The following NDST1 variants were observed in gnomAD, a reference collection of about 807,000 sequenced individuals.
NDST1 encodes the protein bifunctional heparan sulfate N-deacetylase/N-sulfotransferase 1.
In NDST1, 35 loss-of-function variants were observed where a neutral mutation model predicts 92.8. The ratio of observed to expected loss-of-function variants is 0.38; its 90% CI spans 0.29 to 0.50. The LOEUF is 0.50. Ranked by LOEUF, NDST1 falls within the 20% of genes least tolerant of loss-of-function variation. The pLI is 0.94. For synonymous variants in NDST1, 493 were observed against 500.3 expected (o/e 0.99, Z 0.19); for missense variants, 822 against 1,182.7 (o/e 0.69, Z 4.47).
chr5:150,533,286 T>A (rs754718071), intron 4 of NDST1, among the ~76,000 whole-genome samples: 10 of 152,244 alleles, frequency 6.6e-5, no homozygotes, highest in Non-Finnish European at 1.2e-4. Flanking sequence ...TGAGCTGGCC[T>A]GGGTGGGGCA....
intron 3 of NDST1, among the ~76,000 whole-genome samples, chr5:150,528,768 C>G (rs1324417878): frequency 6.6e-6 from 1 of 152,032 alleles, no homozygotes; most frequent in African/African-American, 2.4e-5. Flanking sequence ...GCACTCCAGC[C>G]TGGGTGACAG....
rs749696693 is a variant in NDST1, at chr5:150,539,448, G to T, written c.1566+92G>T. On this transcript the variant is annotated intron_variant, in intron 7 of 14. Transcript: ENST00000261797. ...ACAGGCTTCCTGGAGCCAGGAAAGG[G>T]TGGAGAGGCATGAGTGAGTGCCTGG... The T allele has an allele frequency of 2.5e-6, 4 of 1,605,638 alleles. No individual in the cohort carries two copies. The South Asian group carries it at 4.4e-5, about 18-fold the overall frequency.
intron 6 of NDST1, among the ~76,000 whole-genome samples, chr5:150,536,919 G>T (rs1256711547): frequency 6.6e-6 from 1 of 152,240 alleles, no homozygotes; most frequent in Non-Finnish European, 1.5e-5. Flanking sequence ...CAGAACGGAG[G>T]AAAGTTCCTG....
At chr5:150,518,582 C>CT (rs1009841792) in intron 1 of NDST1, among the ~76,000 whole-genome samples, 5 of 152,126 alleles carry the variant, frequency 3.3e-5, no homozygotes, top group Non-Finnish European at 7.4e-5. Context: ...GTTAATGTTT[C>CT]TTTTTTTGCA....
rs571469977 is a variant in NDST1 at position 150,553,836 on chromosome 5, G to A, written c.*504G>A. The A allele has an allele frequency of 2.8e-4, 126 of 444,046 alleles. No homozygotes were observed. In the East Asian group the frequency reaches 4.3e-3, roughly 15 times the overall value. The allele number at this position is 444,046 out of a possible 1,614,324, so 27.5% of individuals were successfully genotyped here. A position where few individuals can be genotyped will look rare whatever the true frequency, so the allele number is the denominator to read the frequency against. ...GCTGGGTCCCCGGAGTCAGTCCTAG[G>A]CTGGATGGGAGGGTGGCCCCCTCAA... is the stretch of plus-strand genomic sequence containing the variant. On this transcript the variant is annotated 3_prime_UTR_variant, in exon 15 of 15. Transcript: ENST00000261797. The surrounding 1 kb of genome is among the most constrained non-coding windows in gnomAD (Gnocchi z 4.2).
intron 1 of NDST1, among the ~76,000 whole-genome samples, chr5:150,499,575 A>G (rs1005445004): frequency 6.6e-6 from 1 of 152,152 alleles, no homozygotes; most frequent in Non-Finnish European, 1.5e-5. Flanking sequence ...CCCCAGTAGG[A>G]GCATAACAAG....
chr5:150,528,186 C>G lies in NDST1; in HGVS notation c.896C>G (p.Ala299Gly), dbSNP rs747688028. 4 of 1,614,226 alleles carry G rather than the reference C, an allele frequency of 2.5e-6. No individual in the cohort carries two copies. Among genetic ancestry groups the G allele is most frequent in the Non-Finnish European group, 3.4e-6 (4 of 1,180,042 alleles). ...AAGCTTGTCTTCGTGGATGCCGTGG[C>G]CTTCCTCACGGGGAAGCGCCTCTCC... ...LHKLVFVDAV[A>G]FLTGKRLSLP... Residue 299 changes from alanine (A) to glycine (G), a missense_variant, in exon 3 of 15, where the codon GCC becomes GGC. Coordinates refer to ENST00000261797, the MANE Select transcript of NDST1 (RefSeq NM_001543.5).
At chr5:150,501,747 A>C (rs1753241058) in intron 1 of NDST1, among the ~76,000 whole-genome samples, 2 of 152,164 alleles carry the variant, frequency 1.3e-5, no homozygotes, top group African/African-American at 4.8e-5. Flanking sequence ...CTGACATTTG[A>C]GTGGTGGGAT....
chr5:150,503,300 GACACGGTGGC>G (rs1478544111), upstream of NDST1, among the ~76,000 whole-genome samples: 1 of 152,084 alleles, frequency 6.6e-6, no homozygotes, highest in African/African-American at 2.4e-5. Flanking sequence ...AAATTAGCCA[GACACGGTGGC>G]ACACACCTAT....
chr5:150,553,188 G>A lies in NDST1; in HGVS notation c.2530-25G>A, dbSNP rs1755798127. 6.2e-7 allele frequency: 1 copy of A among 1,609,812 alleles called. No homozygotes were observed. Among genetic ancestry groups the A allele is most frequent in the African/African-American group, 1.3e-5 (1 of 74,904 alleles). ...GGTCACTCTTAAGTCAGTACACAAGGTCTGAGCTTTCCTTCCCGTTACAGT... is the reference window on the plus strand; with the variant it reads ...GGTCACTCTTAAGTCAGTACACAAGATCTGAGCTTTCCTTCCCGTTACAGT... On this transcript the variant is annotated intron_variant, in intron 14 of 14. Coordinates refer to ENST00000261797, the MANE Select transcript of NDST1 (RefSeq NM_001543.5). This position sits in a 1 kb window ranked among gnomAD's most constrained non-coding sequence, Gnocchi z 4.2.
rs898612203 is a variant in NDST1 at position 150,545,960 on chromosome 5, C to T, written c.2145+474C>T. Among the ~76,000 whole-genome samples, 7 of 151,366 alleles carry T rather than the reference C, an allele frequency of 4.6e-5. No homozygotes were observed. In the South Asian group the frequency reaches 6.3e-4, roughly 14 times the overall value. Reference sequence around the variant, plus strand: ...CATGGAGAGGGTGTGGATCCAAGCCCCTATCTGGGGCATGTATGAACCAGA... The same window carrying T: ...CATGGAGAGGGTGTGGATCCAAGCCTCTATCTGGGGCATGTATGAACCAGA... On this transcript the variant is annotated intron_variant, in intron 11 of 14. Coordinates refer to ENST00000261797, the MANE Select transcript of NDST1 (RefSeq NM_001543.5).
At position 150,539,357 on chromosome 5, in the gene NDST1, G is replaced by A; in HGVS notation, c.1566+1G>A. 1 of 1,614,044 alleles carries A rather than the reference G, an allele frequency of 6.2e-7. No individual in the cohort carries two copies. The highest frequency in any genetic ancestry group is 8.5e-7 in the Non-Finnish European group (1 of 1,180,012). ...CTTCCTCACCGTGCTCCTCAATCCT[G>A]TGAGTGCTCCACAGCCCATGGCTGC... On this transcript the variant is annotated splice_donor_variant, in intron 7 of 14. Coordinates refer to ENST00000261797, the MANE Select transcript of NDST1 (RefSeq NM_001543.5). LOFTEE classifies it high-confidence loss of function.
At position 150,532,965 on chromosome 5, in the gene NDST1, C is replaced by G. The variant is rs2273232; in HGVS notation, c.1029C>G (p.Asn343Lys). ...EDVKALFDTQ[N>K]ELRAHIPNFT... ...CCTAGGCCCTGTTTGACACACAGAA[C>G]GAACTACGCGCACACATCCCAAACT... Residue 343 changes from asparagine to lysine, a missense_variant, in exon 4 of 15, where the codon AAC (asparagine) becomes AAG (lysine). Transcript: ENST00000261797. The G allele has an allele frequency of 6.2e-7, 1 of 1,614,152 alleles. No homozygotes were observed. The highest frequency in any genetic ancestry group is 8.5e-7 in the Non-Finnish European group (1 of 1,180,016).
intron 1 of NDST1, among the ~76,000 whole-genome samples, chr5:150,515,664 G>A (rs1239621090): frequency 6.6e-6 from 1 of 152,182 alleles, no homozygotes; most frequent in Non-Finnish European, 1.5e-5. Flanking sequence ...GGCTGGGTGA[G>A]GCTGGAATTT....
Position 150,527,479 on chromosome 5 carries a change from C to T in NDST1, c.514-325C>T, listed in dbSNP as rs138294456. Among the ~76,000 whole-genome samples, 685 of 152,326 alleles carry T rather than the reference C, an allele frequency of 4.5e-3. 2 individuals are homozygous for T. The highest frequency in any genetic ancestry group is 0.016 in the African/African-American group (664 of 41,570). ...TTCATGTTCTCAACTGCTAGATTTT[C>T]TTCTATGTGGTTTAGCCTCTCTAGG... On this transcript the variant is annotated intron_variant, in intron 2 of 14. Coordinates refer to ENST00000261797, the MANE Select transcript of NDST1 (RefSeq NM_001543.5).
chr5:150,550,291 G>A (rs980013001), intron 13 of NDST1: 1 of 178,402 alleles, frequency 5.6e-6, no homozygotes, highest in African/African-American at 2.4e-5. Flanking sequence ...TTGTAGAGAA[G>A]GGGTTTCACC....
At chr5:150,551,507 T>C (rs1037164569) in intron 13 of NDST1, among the ~76,000 whole-genome samples, 1 of 152,184 alleles carries the variant, frequency 6.6e-6, no homozygotes, top group African/African-American at 2.4e-5. Flanking sequence ...CTGTGGCTGG[T>C]CGGGCTGGAG....
In NDST1 at chr5:150,540,158, G is replaced by A. The variant is rs201365274; in HGVS notation, c.1643G>A (p.Arg548His). Residue 548 changes from arginine (R) to histidine (H), a missense_variant, in exon 8 of 15, where the codon CGC becomes CAC. By Grantham distance (29) the Arg-to-His change is conservative. Transcript: ENST00000261797. ...CTGTACACCTTCAAGCACCTGGTGC[G>A]CTTCCTGCACTCCTGGACGAACCTC... ...LGLYTFKHLV[R>H]FLHSWTNLRL... 47 of 1,614,208 alleles carry A rather than the reference G, an allele frequency of 2.9e-5. No individual in the cohort carries two copies. In the East Asian group the frequency reaches 6.2e-4, roughly 21 times the overall value.
Position 150,535,054 on chromosome 5 carries a change from C to T in NDST1, c.1251+33C>T, listed in dbSNP as rs143710770. ...AGATTCCTTGCAGGGCAGAGCGGGGCGGGCTAAGGGCTGGGCTGGAGGTCC... is the reference window on the plus strand; with the variant it reads ...AGATTCCTTGCAGGGCAGAGCGGGGTGGGCTAAGGGCTGGGCTGGAGGTCC... On this transcript the variant is annotated intron_variant, in intron 5 of 14. Transcript: ENST00000261797. 8.3e-5 allele frequency: 132 copies of T among 1,598,940 alleles called. No homozygotes were observed. The East Asian group carries it at 2.3e-3, about 28-fold the overall frequency.
Sources: allele counts gnomAD v4.1 joint callset (sites outside exome capture counted in the v4.1 genomes callset), GRCh38; gene constraint gnomAD v4.1.1; non-coding constraint Gnocchi (gnomAD v3.1); transcripts MANE v1.5; gene names NCBI Gene and HGNC (gene_info 2026-07-23, HGNC 2026-07-21).